The following STAG1 variants were observed in gnomAD, a reference collection of about 807,000 sequenced individuals.
STAG1 encodes STAG1 cohesin complex component.
A neutral mutation model predicts 170.9 loss-of-function variants in STAG1; 26 were observed. The observed-to-expected ratio is 0.15, with a 90% CI of 0.11 to 0.21. The LOEUF (loss-of-function observed/expected upper bound fraction) is 0.21. Ranked by LOEUF, STAG1 falls within the 10% of genes least tolerant of loss-of-function variation. The probability of loss-of-function intolerance (pLI) is 1.00; values close to 1 mark genes in which losing one functional copy is unlikely to be tolerated. For synonymous variants in STAG1, 514 were observed against 497.7 expected (o/e 1.03, Z -0.44); for missense variants, 964 against 1,509.5 (o/e 0.64, Z 5.99).
At chr3:136,692,313 C>CAAAAAA (rs71157399) in intron 1 of STAG1, among the ~76,000 whole-genome samples, 8 of 46,224 alleles carry the variant, frequency 1.7e-4, no homozygotes, top group African/African-American at 7.0e-4. Context: ...GACTCCATCT[C>CAAAAAA]AAAAAAAAAA....
At chr3:136,726,505 C>A (rs887274419) in intron 1 of STAG1, among the ~76,000 whole-genome samples, 7 of 152,234 alleles carry the variant, frequency 4.6e-5, no homozygotes, top group Admixed American at 6.5e-5. Context: ...CTCACTGCAA[C>A]CTCTGCCTCC....
At chr3:136,503,950 G>A (rs965547003) in intron 7 of STAG1, among the ~76,000 whole-genome samples, 5 of 151,948 alleles carry the variant, frequency 3.3e-5, no homozygotes, top group African/African-American at 1.2e-4. Context: ...TTGGCCAGGC[G>A]GGTTTTGAAC....
At chr3:136,571,386 T>G (rs552852537) in intron 4 of STAG1, among the ~76,000 whole-genome samples, 1 of 152,194 alleles carries the variant, frequency 6.6e-6, no homozygotes, top group Non-Finnish European at 1.5e-5. Context: ...CTGAGCAGCA[T>G]GACGAAACCC....
chr3:136,529,453 T>C (rs745586983), intron 6 of STAG1, among the ~76,000 whole-genome samples: 3 of 152,130 alleles, frequency 2.0e-5, no homozygotes, highest in Non-Finnish European at 4.4e-5. Context: ...AGAAACCTTA[T>C]AGGACCAGAG....
chr3:136,523,218 TC>T (rs1336135769), intron 6 of STAG1, among the ~76,000 whole-genome samples: 1 of 152,212 alleles, frequency 6.6e-6, no homozygotes, highest in Non-Finnish European at 1.5e-5. Flanking sequence ...CTCCCCATCC[TC>T]TTCAGTACCT....
intron 3 of STAG1, among the ~76,000 whole-genome samples, chr3:136,619,037 A>C (rs1284034644): frequency 6.6e-6 from 1 of 152,166 alleles, no homozygotes; most frequent in Non-Finnish European, 1.5e-5. Context: ...ATGTGTGTAC[A>C]TACATAGAGG....
At chr3:136,520,631 T>C (rs1358316830) in intron 7 of STAG1, among the ~76,000 whole-genome samples, 3 of 152,168 alleles carry the variant, frequency 2.0e-5, no homozygotes, top group African/African-American at 7.2e-5. Context: ...GTTGTCATGA[T>C]AATTCTAAAA....
chr3:136,411,948 C>A (rs117356213), intron 21 of STAG1, among the ~76,000 whole-genome samples: 3 of 151,964 alleles, frequency 2.0e-5, no homozygotes, highest in Non-Finnish European at 4.4e-5. Flanking sequence ...CCACCACGCC[C>A]GGCTAATTGT....
chr3:136,361,542 T>C (rs1022156240), intron 26 of STAG1, among the ~76,000 whole-genome samples: 1 of 152,192 alleles, frequency 6.6e-6, no homozygotes, highest in African/African-American at 2.4e-5. Context: ...CTCTATATCT[T>C]TGTCAATCAT....
intron 1 of STAG1, among the ~76,000 whole-genome samples, chr3:136,687,082 A>G (rs1942553552): frequency 6.6e-6 from 1 of 152,234 alleles, no homozygotes; most frequent in African/African-American, 2.4e-5. Flanking sequence ...AGAGGTGACA[A>G]CCAATGTTCA....
intron 1 of STAG1, among the ~76,000 whole-genome samples, chr3:136,750,581 A>T (rs1665668881): frequency 1.3e-5 from 2 of 152,232 alleles, no homozygotes; most frequent in African/African-American, 2.4e-5. Flanking sequence ...ACTGAAGTGG[A>T]TACAGAAAAA....
In STAG1 at chr3:136,703,913, G is replaced by A. The variant is rs181434941; in HGVS notation, c.-84+48282C>T. 4.5e-3 allele frequency among the ~76,000 whole-genome samples: 691 copies of A among 152,100 alleles called. 4 individuals are homozygous for A. The highest frequency in any genetic ancestry group is 8.4e-3 in the Non-Finnish European group (571 of 67,958). ...TATAGTCCCAGCTACTCAGGAGGCTGAAGCAGGAGAATCGCTTGAACCTGG... is the reference window on the plus strand; with the variant it reads ...TATAGTCCCAGCTACTCAGGAGGCTAAAGCAGGAGAATCGCTTGAACCTGG... On this transcript the variant is annotated intron_variant, in intron 1 of 33. Coordinates refer to ENST00000383202, the MANE Select transcript of STAG1 (RefSeq NM_005862.3).
At chr3:136,731,601 G>C (rs1487306285) in intron 1 of STAG1, among the ~76,000 whole-genome samples, 1 of 152,188 alleles carries the variant, frequency 6.6e-6, no homozygotes, top group African/African-American at 2.4e-5. Flanking sequence ...TCCGAAGAAG[G>C]TACTACCTAA....
In STAG1 at chr3:136,750,438, T is replaced by TAA. The variant is rs113625328; in HGVS notation, c.-84+1755_-84+1756dup. Among the ~76,000 whole-genome samples, 26 of 152,330 alleles carry TAA rather than the reference T, an allele frequency of 1.7e-4. 1 individual carries two copies. Among genetic ancestry groups the TAA allele is most frequent in the African/African-American group, 6.3e-4 (26 of 41,584 alleles). ...CTTCTCCCCTACACCATAGTGCCTT[T>TAA]AAGGCTTTAAAAGAGCCAATCAAAT... On this transcript the variant is annotated intron_variant, in intron 1 of 33. Coordinates refer to ENST00000383202, the MANE Select transcript of STAG1 (RefSeq NM_005862.3).
intron 2 of STAG1, among the ~76,000 whole-genome samples, chr3:136,626,434 A>AG (rs1940096989): frequency 6.6e-6 from 1 of 151,998 alleles, no homozygotes; most frequent in Non-Finnish European, 1.5e-5. Flanking sequence ...CAAAAAAAAA[A>AG]AAAAACCAAA....
intron 1 of STAG1, among the ~76,000 whole-genome samples, chr3:136,701,983 G>C (rs914967968): frequency 6.0e-5 from 9 of 149,442 alleles, no homozygotes; most frequent in African/African-American, 2.0e-4. Flanking sequence ...TTTGAGGTAA[G>C]CTCACAGCAG....
intron 1 of STAG1, among the ~76,000 whole-genome samples, chr3:136,730,210 A>T (rs907196071): frequency 6.6e-6 from 1 of 152,104 alleles, no homozygotes; most frequent in Non-Finnish European, 1.5e-5. Flanking sequence ...TTAATATGAA[A>T]ATATTTCTAA....
chr3:136,668,278 T>G (rs1026540638), intron 1 of STAG1, among the ~76,000 whole-genome samples: 1 of 147,050 alleles, frequency 6.8e-6, no homozygotes, highest in Non-Finnish European at 1.5e-5. Flanking sequence ...ACATAATATA[T>G]ATTATACATG....
intron 28 of STAG1, among the ~76,000 whole-genome samples, chr3:136,356,620 A>C (rs1260808985): frequency 6.6e-6 from 1 of 152,194 alleles, no homozygotes; most frequent in Non-Finnish European, 1.5e-5. Flanking sequence ...GGACTCAAGC[A>C]ATCCTCCTGC....
Sources: allele counts gnomAD v4.1 joint callset (sites outside exome capture counted in the v4.1 genomes callset), GRCh38; gene constraint gnomAD v4.1.1; transcripts MANE v1.5; gene names NCBI Gene and HGNC (gene_info 2026-07-23, HGNC 2026-07-21).